Variants in TIAM2 observed in about 807,000 individuals in gnomAD.
The protein encoded by TIAM2 is rho guanine nucleotide exchange factor TIAM2.
Under a neutral mutation model 152.9 loss-of-function variants are expected in TIAM2, and 80 were observed. That is an observed-to-expected ratio of 0.52 (90% CI 0.44 to 0.63). The LOEUF is 0.63. Ranked by LOEUF, TIAM2 falls within the 30% of genes least tolerant of loss-of-function variation. The probability of loss-of-function intolerance (pLI) is 0.00; values close to 1 mark genes in which losing one functional copy is unlikely to be tolerated. For synonymous variants in TIAM2, 804 were observed against 838.0 expected (o/e 0.96, Z 0.70); for missense variants, 1,965 against 2,120.1 (o/e 0.93, Z 1.44).
At chr6:155,246,784 A>G (rs908031609) in intron 19 of TIAM2, among the ~76,000 whole-genome samples, 5 of 152,220 alleles carry the variant, frequency 3.3e-5, no homozygotes, top group African/African-American at 1.2e-4. Flanking sequence ...GGGTCCTGTC[A>G]CCACCTACTT....
chr6:155,073,184 A>G (rs1337048044), intron 1 of TIAM2, among the ~76,000 whole-genome samples: 2 of 100,654 alleles, frequency 2.0e-5, no homozygotes, highest in Non-Finnish European at 3.9e-5. Flanking sequence ...TTTTTTTTAG[A>G]CTAAGTCTCG....
rs1783224175 is a variant in TIAM2 at position 155,244,807 on chromosome 6, A to G, written c.3543+24A>G. 5 of 1,584,298 alleles carry G rather than the reference A, an allele frequency of 3.2e-6. No homozygotes were observed. The South Asian group carries it at 4.7e-5, about 15-fold the overall frequency. On this transcript the variant is annotated intron_variant, in intron 18 of 26. Coordinates refer to ENST00000682666, the MANE Select transcript of TIAM2 (RefSeq NM_012454.4). ...GAGTAAGTATCTCAGATTTAGGCTT[A>G]AAGTAAAAATACGTGGCTATGGTAC...
intron 1 of TIAM2, among the ~76,000 whole-genome samples, chr6:155,060,217 A>G (rs1328516129): frequency 1.3e-5 from 2 of 152,060 alleles, no homozygotes; most frequent in Admixed American, 1.3e-4. Context: ...CAGCCTGACC[A>G]ACGTGGAGAA....
chr6:155,160,537 G>A (rs753179879), intron 7 of TIAM2, among the ~76,000 whole-genome samples: 2 of 152,080 alleles, frequency 1.3e-5, no homozygotes, highest in Non-Finnish European at 2.9e-5. Flanking sequence ...ACCATTACGC[G>A]GGTGGATCGC....
chr6:155,103,346 C>T (rs1467512123), intron 2 of TIAM2, among the ~76,000 whole-genome samples: 1 of 152,084 alleles, frequency 6.6e-6, no homozygotes, highest in Non-Finnish European at 1.5e-5. Context: ...GGAGATAATT[C>T]ATGTGTACAG....
Position 155,211,262 on chromosome 6 carries a change from T to C in TIAM2, c.3123T>C (p.Thr1041=), listed in dbSNP as rs758618584. The C allele has an allele frequency of 6.2e-7, 1 of 1,613,674 alleles. No individual in the cohort carries two copies. Among genetic ancestry groups the C allele is most frequent in the Non-Finnish European group, 8.5e-7 (1 of 1,179,640 alleles). The change falls in exon 15 of 27, where the codon ACT becomes ACC. Residue 1041 remains threonine, a synonymous_variant. Coordinates refer to ENST00000682666, the MANE Select transcript of TIAM2 (RefSeq NM_012454.4). ...TGAAAAGGAGTCAGACAGATGGCAC[T>C]CTGGATCAGGTTTCCCACAGGGAGA... is the stretch of plus-strand genomic sequence containing the variant. ...TGLKRSQTDG[T]LDQVSHREKM... is the part of the protein sequence containing the mutation.
chr6:155,006,005 G>T (rs1050202888), intron 1 of TIAM2, among the ~76,000 whole-genome samples: 1 of 152,186 alleles, frequency 6.6e-6, no homozygotes, highest in African/African-American at 2.4e-5. Context: ...GGAGAAAAGG[G>T]TGGGTAAGGA....
chr6:155,100,551 C>G (rs2114992153), intron 2 of TIAM2, among the ~76,000 whole-genome samples: 1 of 152,274 alleles, frequency 6.6e-6, no homozygotes, highest in South Asian at 2.1e-4. Context: ...CTGTCACCTC[C>G]CATTCATTAA....
intron 4 of TIAM2, among the ~76,000 whole-genome samples, chr6:155,135,580 A>G (rs913104796): frequency 6.6e-6 from 1 of 152,232 alleles, no homozygotes; most frequent in African/African-American, 2.4e-5. Flanking sequence ...AAAAGCCTGT[A>G]TGCAAATTAT....
chr6:155,022,080 C>CT (rs1375817797), intron 1 of TIAM2, among the ~76,000 whole-genome samples: 1 of 152,188 alleles, frequency 6.6e-6, no homozygotes, highest in African/African-American at 2.4e-5. Flanking sequence ...CTTCCCTCCT[C>CT]TGTTTTCAGT....
rs779744908 is a variant in TIAM2, at chr6:155,253,923, A to C, written c.4226-50A>C. On this transcript the variant is annotated intron_variant, in intron 24 of 26. Transcript: ENST00000682666. Reference sequence around the variant, plus strand: ...CAACTTTACAAGTGTTCTTAACCACAGCATTTTGGGCAAAGTTGTAGACTC... The same window carrying C: ...CAACTTTACAAGTGTTCTTAACCACCGCATTTTGGGCAAAGTTGTAGACTC... 8.2e-6 allele frequency: 12 copies of C among 1,468,656 alleles called. No individual in the cohort carries two copies. The East Asian group carries it at 2.7e-4, about 34-fold the overall frequency. The allele number at this position is 1,468,656 out of a possible 1,614,324, so 91.0% of individuals were successfully genotyped here.
At chr6:155,194,811 C>G (rs1439234711) in intron 14 of TIAM2, among the ~76,000 whole-genome samples, 2 of 152,198 alleles carry the variant, frequency 1.3e-5, no homozygotes, top group East Asian at 3.9e-4. Context: ...TTCCCTTAAT[C>G]TCCATGTGTC....
intron 14 of TIAM2, among the ~76,000 whole-genome samples, chr6:155,197,591 GTAATTTA>G (rs1781375850): frequency 6.6e-6 from 1 of 152,170 alleles, no homozygotes; most frequent in Non-Finnish European, 1.5e-5. Flanking sequence ...CCGAGACTGA[GTAATTTA>G]TAAAAGAAAG....
At chr6:155,101,130 T>C (rs1285956811) in intron 2 of TIAM2, among the ~76,000 whole-genome samples, 1 of 152,164 alleles carries the variant, frequency 6.6e-6, no homozygotes, top group African/African-American at 2.4e-5. Flanking sequence ...AAACCTTTGG[T>C]TTTAGAAACA....
chr6:155,227,329 G>A (rs757649141), intron 15 of TIAM2, among the ~76,000 whole-genome samples: 1 of 152,194 alleles, frequency 6.6e-6, no homozygotes, highest in Non-Finnish European at 1.5e-5. Context: ...AGCCCATGGC[G>A]AATACAATGT....
intron 19 of TIAM2, 79 bp from the exon 20 acceptor site, chr6:155,247,917 GATCT>G (rs992810475): frequency 2.4e-5 from 35 of 1,466,338 alleles, no homozygotes; most frequent in Non-Finnish European, 3.0e-5. Flanking sequence ...AGAAATAGAT[GATCT>G]ATAAATGTTA....
rs1363969542 is a variant in TIAM2, at chr6:155,090,634, C to T, written c.-118+255C>T. Among the ~76,000 whole-genome samples, 7 of 152,106 alleles carry T rather than the reference C, an allele frequency of 4.6e-5. No homozygotes were observed. In the East Asian group the frequency reaches 7.7e-4, roughly 17 times the overall value. Reference sequence around the variant, plus strand: ...TGGATGGTCCACTCAGTGTGGAAAACGGGTATGCCAGGCCTCTCTGGGACC... The same window carrying T: ...TGGATGGTCCACTCAGTGTGGAAAATGGGTATGCCAGGCCTCTCTGGGACC... On this transcript the variant is annotated intron_variant, in intron 2 of 26. Transcript: ENST00000682666.
Position 155,014,443 on chromosome 6 carries a change from T to A in TIAM2, c.-209+18951T>A, listed in dbSNP as rs111701677. ...TCTCTAAGTTTTGTTTAGTTCACCG[T>A]AGTGCTTTTTTTTCTATTATAATGT... On this transcript the variant is annotated intron_variant, in intron 1 of 26. Coordinates refer to ENST00000682666, the MANE Select transcript of TIAM2 (RefSeq NM_012454.4). Among the ~76,000 whole-genome samples, 182 of 152,320 alleles carry A rather than the reference T, an allele frequency of 1.2e-3. 1 individual carries two copies. Among genetic ancestry groups the A allele is most frequent in the African/African-American group, 4.1e-3 (169 of 41,586 alleles).
chr6:155,177,019 A>G, intron 10 of TIAM2, 42 bp downstream of exon 10: 3 of 1,578,658 alleles, frequency 1.9e-6, no homozygotes, highest in Non-Finnish European at 2.6e-6. Flanking sequence ...GAATAGAAAT[A>G]ATCATTAATG....
Sources: allele counts gnomAD v4.1 joint callset (sites outside exome capture counted in the v4.1 genomes callset), GRCh38; gene constraint gnomAD v4.1.1; transcripts MANE v1.5; gene names NCBI Gene and HGNC (gene_info 2026-07-23, HGNC 2026-07-21).